The following OCA2 variants were observed in gnomAD, a reference collection of about 807,000 sequenced individuals.
OCA2 encodes the protein P protein.
Under a neutral mutation model 100.2 loss-of-function variants are expected in OCA2, and 77 were observed. The ratio of observed to expected loss-of-function variants is 0.77; its 90% confidence interval spans 0.64 to 0.93. The LOEUF is 0.93. Among genes scored for constraint, OCA2 ranks in the 40% least tolerant of loss-of-function variants. The pLI is 0.00. For missense variants in OCA2, 1,062 were observed against 1,089.1 expected (o/e 0.98, Z 0.35); for synonymous variants, 432 against 439.2 (o/e 0.98, Z 0.21).
chr15:27,868,072 C>T (rs182772842), intron 21 of OCA2, among the ~76,000 whole-genome samples: 40 of 152,272 alleles, frequency 2.6e-4, no homozygotes, highest in African/African-American at 8.9e-4. Context: ...AAGCCAAACA[C>T]GGAGTGACCG....
chr15:27,943,670 T>TA (rs1567136140), intron 18 of OCA2, among the ~76,000 whole-genome samples: 11 of 127,118 alleles, frequency 8.7e-5, no homozygotes, highest in African/African-American at 3.0e-4. Flanking sequence ...AAAGTATAAT[T>TA]TAAAAAAAAA....
the OCA2 span, among the ~76,000 whole-genome samples, chr15:27,734,179 G>A: frequency 1.4e-5 from 2 of 145,314 alleles, no homozygotes; most frequent in East Asian, 4.0e-4. Context: ...TTATATGAGA[G>A]AAGTGGAGCC....
At chr15:28,028,151 C>A (rs1054179674) in intron 3 of OCA2, 92 bp from the exon 4 acceptor site, 178 of 1,391,282 alleles carry the variant, frequency 1.3e-4, no homozygotes, top group Non-Finnish European at 1.7e-4. Flanking sequence ...TGAAATGGCA[C>A]CGAATCAACC....
chr15:27,985,883 AG>A (rs1213416936), intron 12 of OCA2, among the ~76,000 whole-genome samples: 1 of 152,054 alleles, frequency 6.6e-6, no homozygotes, highest in Non-Finnish European at 1.5e-5. Context: ...AGTAGAGATG[AG>A]GTTTCACCAT....
intron 15 of OCA2, among the ~76,000 whole-genome samples, chr15:27,963,826 T>C: frequency 6.6e-6 from 1 of 152,074 alleles, no homozygotes; most frequent in Admixed American, 6.5e-5. Flanking sequence ...AAAAGCTGGT[T>C]CTTTGAGATC....
intron 19 of OCA2, among the ~76,000 whole-genome samples, chr15:27,902,216 G>T (rs57974097): frequency 0.25 from 21,812 of 88,072 alleles, 3,935 homozygotes; most frequent in African/African-American, 0.55. Flanking sequence ...TGTTGTTGTT[G>T]TTGTTTTTTT....
chr15:27,814,923 GAT>G (rs1426930586), intron 23 of OCA2, among the ~76,000 whole-genome samples: 86 of 150,346 alleles, frequency 5.7e-4, no homozygotes, highest in Non-Finnish European at 9.6e-4. Context: ...TAGATAGATA[GAT>G]AGATAGATAG....
At chr15:27,958,861 C>T (rs968313698) in intron 15 of OCA2, among the ~76,000 whole-genome samples, 2 of 152,100 alleles carry the variant, frequency 1.3e-5, no homozygotes, top group Non-Finnish European at 1.5e-5. Flanking sequence ...TTCAAGCAGG[C>T]GCTGGGGCAC....
At chr15:27,796,489 G>C (rs530228075) in intron 23 of OCA2, among the ~76,000 whole-genome samples, 1 of 152,376 alleles carries the variant, frequency 6.6e-6, no homozygotes, top group African/African-American at 2.4e-5. Flanking sequence ...GCGAGTGCTG[G>C]TGTCCGCCAG....
intron 2 of OCA2, among the ~76,000 whole-genome samples, chr15:28,038,002 CT>C (rs2043093468): frequency 6.6e-6 from 1 of 152,192 alleles, no homozygotes; most frequent in Non-Finnish European, 1.5e-5. Flanking sequence ...CTGTCTGTTT[CT>C]TTCTCTCTTT....
chr15:28,023,045 C>T (rs952240499), intron 5 of OCA2, among the ~76,000 whole-genome samples: 1 of 152,194 alleles, frequency 6.6e-6, no homozygotes, highest in African/African-American at 2.4e-5. Flanking sequence ...ATCACCTAAA[C>T]TCCATCTCAC....
At chr15:27,921,538 C>A (rs2140336330) in intron 19 of OCA2, among the ~76,000 whole-genome samples, 1 of 152,244 alleles carries the variant, frequency 6.6e-6, no homozygotes, top group South Asian at 2.1e-4. Flanking sequence ...CACACACACA[C>A]ACACACAAAC....
rs909074306 is a variant in OCA2, at chr15:27,924,955, A to G, written c.2079+1172T>C. 3.9e-5 allele frequency among the ~76,000 whole-genome samples: 6 copies of G among 152,194 alleles called. No homozygotes were observed. The East Asian group carries it at 1.2e-3, about 29-fold the overall frequency. ...GGGCTGAAGTGGCTATACCAGTATC[A>G]GGCAAATAGACCCTAAGACAAAAAC... is the stretch of plus-strand genomic sequence containing the variant. On this transcript the variant is annotated intron_variant, in intron 19 of 23. Coordinates refer to ENST00000354638, the MANE Select transcript of OCA2 (RefSeq NM_000275.3).
At chr15:27,935,596 C>G (rs2039423267) in intron 18 of OCA2, among the ~76,000 whole-genome samples, 1 of 152,230 alleles carries the variant, frequency 6.6e-6, no homozygotes, top group Admixed American at 6.5e-5. Context: ...CCAGGCTGCA[C>G]AGCTTGCTGG....
intron 23 of OCA2, among the ~76,000 whole-genome samples, chr15:27,823,628 T>C (rs1811312113): frequency 2.0e-5 from 3 of 152,208 alleles, no homozygotes; most frequent in Admixed American, 6.5e-5. Flanking sequence ...TATTTTAGTA[T>C]CTTCTAGATA....
chr15:28,081,825 A>T lies in OCA2; in HGVS notation c.50T>A (p.Val17Glu), dbSNP rs1237182917. 2 of 1,611,776 alleles carry T rather than the reference A, an allele frequency of 1.2e-6. No individual in the cohort carries two copies. Among genetic ancestry groups the T allele is most frequent in the East Asian group, 4.5e-5 (2 of 44,852 alleles). ...DGRRYPGAPA[V>E]ELLQTSVPSG... is the part of the protein sequence containing the mutation. ...GGGCACGGACGTCTGCAGGAGCTCC[A>T]CCGCCGGCGCGCCGGGGTACCGCCT... Residue 17 changes from valine (V) to glutamate (E), a missense_variant, in exon 2 of 24, where the codon GTG (valine) becomes GAG (glutamate). Val to Glu is a moderately radical substitution (Grantham distance 121). Transcript: ENST00000354638.
intron 19 of OCA2, among the ~76,000 whole-genome samples, chr15:27,910,697 C>A (rs1446668480): frequency 6.7e-6 from 1 of 149,436 alleles, no homozygotes; most frequent in African/African-American, 2.4e-5. Flanking sequence ...GTGGCTCACA[C>A]CTGTAATCCC....
intron 1 of OCA2, among the ~76,000 whole-genome samples, chr15:28,097,880 C>T (rs2045015753): frequency 6.6e-6 from 1 of 152,190 alleles, no homozygotes; most frequent in East Asian, 1.9e-4. Context: ...CCCAGCTGCT[C>T]CCAACCCCCC....
At chr15:27,736,423 C>CT in the OCA2 span, among the ~76,000 whole-genome samples, 1 of 152,130 alleles carries the variant, frequency 6.6e-6, no homozygotes. Flanking sequence ...TTTGTGGACT[C>CT]TAAGGTGGCA....
Sources: gnomAD v4.1 joint callset for allele counts (sites outside exome capture counted in the v4.1 genomes callset) on GRCh38, gnomAD v4.1.1 for gene constraint, MANE v1.5 for transcripts, NCBI Gene and HGNC (gene_info 2026-07-23, HGNC 2026-07-21) for gene names.